The following ARB2A variants were observed in gnomAD, a reference collection of about 807,000 sequenced individuals.
ARB2A encodes cotranscriptional regulator ARB2A.
At chr5:93,959,552 G>C in the ARB2A span, among the ~76,000 whole-genome samples, 9 of 151,924 alleles carry the variant, frequency 5.9e-5, no homozygotes, top group African/African-American at 2.2e-4. Flanking sequence ...AACTTTTAAG[G>C]GGAAGAAGAG....
At chr5:94,066,080 A>G in the ARB2A span, among the ~76,000 whole-genome samples, 3 of 152,202 alleles carry the variant, frequency 2.0e-5, no homozygotes, top group Non-Finnish European at 4.4e-5. Context: ...TGGAAACTAA[A>G]CTTGCTTCTG....
chr5:93,752,734 T>C, the ARB2A span, among the ~76,000 whole-genome samples: 1 of 152,314 alleles, frequency 6.6e-6, no homozygotes, highest in South Asian at 2.1e-4. Context: ...TATATTTAGA[T>C]AAGTTATCTT....
the ARB2A span, among the ~76,000 whole-genome samples, chr5:93,663,307 T>G: frequency 2.0e-5 from 3 of 152,174 alleles, no homozygotes; most frequent in South Asian, 2.1e-4. Flanking sequence ...AAACATAAAC[T>G]TTTCTATACA....
the ARB2A span, among the ~76,000 whole-genome samples, chr5:93,910,179 G>T: frequency 6.6e-6 from 1 of 150,624 alleles, no homozygotes; most frequent in Non-Finnish European, 1.5e-5. Context: ...TAGACATACA[G>T]GGCAGAAAAT....
the ARB2A span, among the ~76,000 whole-genome samples, chr5:93,973,705 C>A: frequency 6.6e-6 from 1 of 152,156 alleles, no homozygotes; most frequent in Admixed American, 6.5e-5. Context: ...ATGAGATTAA[C>A]AGCAGAATTC....
the ARB2A span, among the ~76,000 whole-genome samples, chr5:93,939,011 A>G: frequency 6.6e-6 from 1 of 152,224 alleles, no homozygotes; most frequent in South Asian, 2.1e-4. Context: ...AAAGTTTAAA[A>G]ATATTCTTGG....
the ARB2A span, among the ~76,000 whole-genome samples, chr5:93,770,957 A>G: frequency 6.6e-6 from 1 of 152,200 alleles, no homozygotes. Flanking sequence ...AAACTACTTT[A>G]AAGTTCATAT....
the ARB2A span, among the ~76,000 whole-genome samples, chr5:93,789,298 G>C: frequency 6.6e-6 from 1 of 152,128 alleles, no homozygotes; most frequent in Non-Finnish European, 1.5e-5. Flanking sequence ...ACTACTGTAC[G>C]TTTATAAATC....
chr5:93,755,938 GC>G, the ARB2A span, among the ~76,000 whole-genome samples: 4 of 152,210 alleles, frequency 2.6e-5, no homozygotes, highest in African/African-American at 9.6e-5. Context: ...CGAGAACCAA[GC>G]CCTTTTACTT....
the ARB2A span, among the ~76,000 whole-genome samples, chr5:93,753,500 C>T: frequency 1.3e-3 from 203 of 152,238 alleles, 4 homozygotes; most frequent in East Asian, 0.029. Context: ...GATGAGAAAA[C>T]GGGGCTTAGT....
chr5:93,641,058 G>A, the ARB2A span, among the ~76,000 whole-genome samples: 60 of 152,096 alleles, frequency 3.9e-4, no homozygotes, highest in Middle Eastern at 3.4e-3. Flanking sequence ...AAATTAGCCA[G>A]GCATGGTGGT....
At chr5:94,011,853 A>C in the ARB2A span, among the ~76,000 whole-genome samples, 1 of 147,438 alleles carries the variant, frequency 6.8e-6, no homozygotes, top group East Asian at 2.1e-4. Context: ...GAGTGAATTC[A>C]TTTACCAAAG....
the ARB2A span, among the ~76,000 whole-genome samples, chr5:93,702,278 G>C: frequency 2.0e-5 from 3 of 152,122 alleles, no homozygotes; most frequent in Non-Finnish European, 4.4e-5. Flanking sequence ...CTCATTTTAT[G>C]TATGAAGAGA....
At chr5:93,730,633 A>G in the ARB2A span, among the ~76,000 whole-genome samples, 1 of 152,154 alleles carries the variant, frequency 6.6e-6, no homozygotes, top group Non-Finnish European at 1.5e-5. Context: ...GCTTTTCATA[A>G]ACACAATGAC....
At chr5:94,012,325 C>G in the ARB2A span, among the ~76,000 whole-genome samples, 165 of 152,296 alleles carry the variant, frequency 1.1e-3, 1 homozygote, top group Middle Eastern at 0.014. Context: ...TGGCGTGAAC[C>G]CGGGAGGCGG....
chr5:94,038,795 C>T, the ARB2A span, among the ~76,000 whole-genome samples: 7 of 149,674 alleles, frequency 4.7e-5, no homozygotes, highest in Non-Finnish European at 7.4e-5. Flanking sequence ...ACTCGATATT[C>T]AGTAGGAAAA....
chr5:93,734,561 C>T, the ARB2A span: 1 of 152,062 alleles, frequency 6.6e-6, no homozygotes, highest in Non-Finnish European at 1.5e-5. Flanking sequence ...AAAATACTTG[C>T]CTTGTCTATA....
At chr5:93,940,233 G>A in the ARB2A span, among the ~76,000 whole-genome samples, 1 of 152,022 alleles carries the variant, frequency 6.6e-6, no homozygotes, top group South Asian at 2.1e-4. Flanking sequence ...TTTAAAATAT[G>A]AAAGTACATT....
the ARB2A span, among the ~76,000 whole-genome samples, chr5:93,849,071 G>A: frequency 1.3e-5 from 2 of 152,118 alleles, no homozygotes. Flanking sequence ...ATAATGACAT[G>A]GTGAGGAGTT....
Sources: allele counts gnomAD v4.1 joint callset (sites outside exome capture counted in the v4.1 genomes callset), GRCh38; gene constraint gnomAD v4.1.1; transcripts MANE v1.5; gene names NCBI Gene and HGNC (gene_info 2026-07-23, HGNC 2026-07-21).